DDR2: variants seen among roughly 807,000 people sequenced by gnomAD.
DDR2 encodes the protein discoidin domain receptor tyrosine kinase 2, also known as discoidin domain-containing receptor 2.
DDR2 carries 27 observed loss-of-function variants against 94.9 expected under a neutral mutation model. That is an observed-to-expected ratio of 0.28 (90% CI 0.21 to 0.39). DDR2 has a LOEUF of 0.39. DDR2 is among the 10% of genes least tolerant of loss of function. The pLI is 1.00. For missense variants in DDR2, 783 were observed against 1,076.0 expected, an observed-to-expected ratio of 0.73 and a Z score of 3.81; for synonymous variants, 382 against 377.2, an observed-to-expected ratio of 1.01 and a Z score of -0.15.
At chr1:162,755,078 A>T (rs1462791572) in intron 5 of DDR2, 78 bp from the exon 6 acceptor site, 1 of 1,596,742 alleles carries the variant, frequency 6.3e-7, no homozygotes, top group African/African-American at 1.3e-5. Context: ...GAGAGAGTCC[A>T]TCAAAAACGT....
chr1:162,641,378 C>A (rs192939826), intron 1 of DDR2, among the ~76,000 whole-genome samples: 2 of 152,288 alleles, frequency 1.3e-5, no homozygotes, highest in Non-Finnish European at 2.9e-5. Context: ...GCTCCTCTCT[C>A]CTCTCATTTT....
At chr1:162,737,002 A>G (rs977395666) in intron 3 of DDR2, among the ~76,000 whole-genome samples, 6 of 152,184 alleles carry the variant, frequency 3.9e-5, no homozygotes, top group Admixed American at 2.0e-4. Context: ...GAAGAGTTTC[A>G]TGATATGACT....
chr1:162,745,848 A>G (rs1662832340), intron 3 of DDR2, among the ~76,000 whole-genome samples: 1 of 152,220 alleles, frequency 6.6e-6, no homozygotes, highest in Non-Finnish European at 1.5e-5. Context: ...ATTTCAAAAT[A>G]ATTTCTGTAA....
At chr1:162,773,369 G>A (rs1647339419) in intron 13 of DDR2, 100 bp from the exon 14 acceptor site, 1 of 1,517,972 alleles carries the variant, frequency 6.6e-7, no homozygotes, top group Non-Finnish European at 9.1e-7. Flanking sequence ...CATTTTGCCT[G>A]AGTTGTAAGA....
chr1:162,768,318 T>C (rs943995374), intron 11 of DDR2, among the ~76,000 whole-genome samples: 1 of 152,216 alleles, frequency 6.6e-6, no homozygotes, highest in Non-Finnish European at 1.5e-5. Flanking sequence ...TGCTGACGAC[T>C]AAGTGTTTCT....
At chr1:162,755,073 A>G (rs1243530973) in intron 5 of DDR2, 83 bp from the exon 6 acceptor site, 7 of 1,579,934 alleles carry the variant, frequency 4.4e-6, no homozygotes, top group Non-Finnish European at 6.1e-6. Flanking sequence ...AAGAAGAGAG[A>G]GTCCATCAAA....
intron 2 of DDR2, among the ~76,000 whole-genome samples, chr1:162,678,916 A>G (rs1659263307): frequency 6.6e-6 from 1 of 152,210 alleles, no homozygotes; most frequent in South Asian, 2.1e-4. Context: ...TGACATGGAA[A>G]GAGAAAATAC....
intron 16 of DDR2, among the ~76,000 whole-genome samples, chr1:162,776,778 A>G (rs1461253181): frequency 2.0e-5 from 3 of 152,152 alleles, no homozygotes; most frequent in African/African-American, 4.8e-5. Flanking sequence ...TTGTATTTCA[A>G]TACTTTTCAA....
intron 7 of DDR2, among the ~76,000 whole-genome samples, chr1:162,758,152 G>A (rs1001584798): frequency 6.6e-6 from 1 of 152,016 alleles, no homozygotes; most frequent in South Asian, 2.1e-4. Context: ...CCGGAATTAT[G>A]GCTCTTAACT....
chr1:162,720,435 C>T (rs889219858), intron 3 of DDR2, among the ~76,000 whole-genome samples: 11 of 149,540 alleles, frequency 7.4e-5, no homozygotes, highest in Non-Finnish European at 1.6e-4. Flanking sequence ...TTGTGTCTGG[C>T]TTCTTTCACT....
At chr1:162,771,927 A>G in intron 12 of DDR2, 97 bp from the exon 13 acceptor site, 2 of 1,320,932 alleles carry the variant, frequency 1.5e-6, no homozygotes, top group South Asian at 2.5e-5. Flanking sequence ...TTAGGCTTTC[A>G]CAGGGGCATG....
chr1:162,780,958 T>C lies in DDR2; in HGVS notation c.*712T>C, dbSNP rs1191522998. On this transcript the variant is annotated 3_prime_UTR_variant, in exon 18 of 18. Transcript: ENST00000367921. The stretch of plus-strand genomic sequence containing the variant: ...AGAGTGTATGAAGGGGGATTGTCAT[T>C]TACAAAAAAAAAGTACCTCATGGAT... 2.9e-4 allele frequency: 4 copies of C among 13,808 alleles called. No individual in the cohort carries two copies. Among genetic ancestry groups the C allele is most frequent in the African/African-American group, 3.4e-4 (4 of 11,874 alleles). 0.9% of individuals were successfully genotyped at this position (13,808 alleles called of 1,614,324 possible).
chr1:162,759,257 G>A (rs1034406883), intron 7 of DDR2, among the ~76,000 whole-genome samples: 3 of 152,156 alleles, frequency 2.0e-5, no homozygotes, highest in African/African-American at 7.2e-5. Flanking sequence ...AGAAGAGAGT[G>A]TGACTGGATT....
intron 1 of DDR2, among the ~76,000 whole-genome samples, chr1:162,635,953 A>T (rs1656795467): frequency 6.6e-6 from 1 of 152,254 alleles, no homozygotes; most frequent in African/African-American, 2.4e-5. Flanking sequence ...TGTGCTAATA[A>T]CATAGTTTAG....
At position 162,741,380 on chromosome 1, in the gene DDR2, C is replaced by A. The variant is rs142439838; in HGVS notation, c.83-11715C>A. ...CCAAAATCCGAAATGCTCTAATGAG[C>A]ATTTCCTTTGAACGTCATGCTGGTG... On this transcript the variant is annotated intron_variant, in intron 3 of 17. Transcript: ENST00000367921. Among the ~76,000 whole-genome samples the A allele has an allele frequency of 6.0e-3, 886 of 148,564 alleles. 9 individuals carry two copies. Among genetic ancestry groups the A allele is most frequent in the East Asian group, 0.034 (175 of 5,074 alleles).
At chr1:162,633,998 G>A (rs1272772368) in intron 1 of DDR2, among the ~76,000 whole-genome samples, 3 of 152,182 alleles carry the variant, frequency 2.0e-5, no homozygotes, top group African/African-American at 7.2e-5. Context: ...TGAAACTCAT[G>A]TATATCTGAC....
intron 2 of DDR2, among the ~76,000 whole-genome samples, chr1:162,674,622 G>A (rs1436866037): frequency 1.3e-5 from 2 of 152,126 alleles, no homozygotes; most frequent in Non-Finnish European, 2.9e-5. Flanking sequence ...TTGCTTTACT[G>A]TTTCACCAGC....
chr1:162,672,932 T>C (rs1382315495), intron 2 of DDR2, among the ~76,000 whole-genome samples: 4 of 152,150 alleles, frequency 2.6e-5, no homozygotes, highest in Non-Finnish European at 5.9e-5. Flanking sequence ...AAATGATTTC[T>C]GGGATGAAAA....
At chr1:162,633,708 G>A (rs1656670242) in intron 1 of DDR2, among the ~76,000 whole-genome samples, 2 of 152,208 alleles carry the variant, frequency 1.3e-5, no homozygotes, top group Non-Finnish European at 2.9e-5. Flanking sequence ...TCACCACAAG[G>A]ACGTTAATTA....
Sources: gnomAD v4.1 joint callset for allele counts (sites outside exome capture counted in the v4.1 genomes callset) on GRCh38, gnomAD v4.1.1 for gene constraint, MANE v1.5 for transcripts, NCBI Gene and HGNC (gene_info 2026-07-23, HGNC 2026-07-21) for gene names.